Variants in MYH14 observed in about 807,000 individuals in gnomAD.
The protein encoded by MYH14 is myosin-14.
In MYH14, 123 loss-of-function variants were observed where a neutral mutation model predicts 255.5. That is an observed-to-expected ratio of 0.48 (90% CI 0.42 to 0.56). MYH14 has a LOEUF of 0.56. Ranked by LOEUF, MYH14 falls within the 20% of genes least tolerant of loss-of-function variation. MYH14 has a pLI of 0.00. For synonymous variants in MYH14, 1,095 were observed against 1,161.2 expected (o/e 0.94, Z 1.16); for missense variants, 2,423 against 2,802.3 (o/e 0.86, Z 3.06).
chr19:50,300,438 A>G (rs1435576445), intron 39 of MYH14, among the ~76,000 whole-genome samples: 1 of 152,172 alleles, frequency 6.6e-6, no homozygotes, highest in Non-Finnish European at 1.5e-5. Flanking sequence ...TCTCTGTATC[A>G]CCATTTTATT....
In MYH14 at chr19:50,276,689, A is replaced by G; in HGVS notation, c.3681-68A>G. Reference sequence around the variant, plus strand: ...GGAAACATGAAAAGGAGAAACAACCAGCTCCCCCAAAGCCCCTGCCTTCCT... The same window carrying G: ...GGAAACATGAAAAGGAGAAACAACCGGCTCCCCCAAAGCCCCTGCCTTCCT... On this transcript the variant is annotated intron_variant, in intron 28 of 42. Coordinates refer to ENST00000642316, the MANE Select transcript of MYH14 (RefSeq NM_001145809.2). The surrounding 1 kb of genome is among the most constrained non-coding windows in gnomAD (Gnocchi z 4.3). The G allele has an allele frequency of 6.2e-7, 1 of 1,601,510 alleles. No homozygotes were observed. Among genetic ancestry groups the G allele is most frequent in the African/African-American group, 1.3e-5 (1 of 74,570 alleles).
chr19:50,204,505 G>A (rs1175173332), intron 1 of MYH14, among the ~76,000 whole-genome samples: 1 of 152,226 alleles, frequency 6.6e-6, no homozygotes, highest in Non-Finnish European at 1.5e-5. Flanking sequence ...TCCCTCTTAC[G>A]CTGTGTGATC....
At position 50,225,579 on chromosome 19, in the gene MYH14, C is replaced by A; in HGVS notation, c.718-6C>A. 1.2e-6 allele frequency: 2 copies of A among 1,611,902 alleles called. No homozygotes were observed. Among genetic ancestry groups the A allele is most frequent in the Non-Finnish European group, 1.7e-6 (2 of 1,179,096 alleles). On this transcript the variant is annotated splice_polypyrimidine_tract_variant and splice_region_variant and intron_variant, in intron 6 of 42. Transcript: ENST00000642316. Reference sequence around the variant, plus strand: ...GACCTCATGCATCATCTCCTGTGCCCGGCAGGGTGAGCTGGAGCGGCAGCT... The same window carrying A: ...GACCTCATGCATCATCTCCTGTGCCAGGCAGGGTGAGCTGGAGCGGCAGCT...
chr19:50,237,825 A>T (rs951237392), intron 10 of MYH14, among the ~76,000 whole-genome samples: 8 of 152,314 alleles, frequency 5.3e-5, no homozygotes, highest in African/African-American at 1.9e-4. Flanking sequence ...TTTTGCTTAC[A>T]AGGAGTGGAG....
chr19:50,276,432 T>A lies in MYH14; in HGVS notation c.3680+229T>A, dbSNP rs150458045. ...GGGAGGCAGATTCAGGCAAAGACAA[T>A]CTCAACCCAGAACAAGGGGTGCTTT... is the stretch of plus-strand genomic sequence containing the variant. On this transcript the variant is annotated intron_variant, in intron 28 of 42. Transcript: ENST00000642316. The surrounding 1 kb of genome is among the most constrained non-coding windows in gnomAD (Gnocchi z 4.3). Among the ~76,000 whole-genome samples, 31 of 152,114 alleles carry A rather than the reference T, an allele frequency of 2.0e-4. No homozygotes were observed. The East Asian group carries it at 6.0e-3, about 29-fold the overall frequency.
intron 16 of MYH14, among the ~76,000 whole-genome samples, chr19:50,253,261 G>A (rs2034469133): frequency 6.6e-6 from 1 of 152,038 alleles, no homozygotes; most frequent in Non-Finnish European, 1.5e-5. Flanking sequence ...TGGCCAACAT[G>A]GTGAAACCCT....
intron 12 of MYH14, 132 bp from the exon 13 acceptor site, chr19:50,248,855 G>T: frequency 1.3e-6 from 1 of 788,670 alleles, no homozygotes; most frequent in South Asian, 1.7e-5. Flanking sequence ...TGTTCTTGAT[G>T]GTACTTACAC....
At position 50,309,832 on chromosome 19, in the gene MYH14, C is replaced by T; in HGVS notation, c.*42C>T. ...GATGCACTAACAGATGGGGCCCAGC[C>T]CCCTTCCTCCCTGGACCCCACGGGC... On this transcript the variant is annotated 3_prime_UTR_variant, in exon 43 of 43. Coordinates refer to ENST00000642316, the MANE Select transcript of MYH14 (RefSeq NM_001145809.2). The T allele has an allele frequency of 1.3e-6, 2 of 1,549,764 alleles. No individual in the cohort carries two copies. The highest frequency in any genetic ancestry group is 1.7e-6 in the Non-Finnish European group (2 of 1,144,218).
chr19:50,251,229 A>G (rs1400310662), intron 15 of MYH14, among the ~76,000 whole-genome samples: 1 of 152,116 alleles, frequency 6.6e-6, no homozygotes, highest in Admixed American at 6.5e-5. Context: ...TTTTCTGTAA[A>G]GGGTCCGATA....
intron 8 of MYH14, among the ~76,000 whole-genome samples, chr19:50,229,125 G>A (rs765387059): frequency 3.9e-5 from 6 of 152,134 alleles, no homozygotes; most frequent in Non-Finnish European, 8.8e-5. Flanking sequence ...CCCAGGGTTC[G>A]ACAGCCTGCG....
chr19:50,260,762 C>CGCGTGCATGAGTGTGT, intron 20 of MYH14, 47 bp downstream of exon 20: 2 of 1,316,088 alleles, frequency 1.5e-6, no homozygotes, highest in Non-Finnish European at 2.2e-6. Flanking sequence ...TGTGTGTGTG[C>CGCGTGCATGAGTGTGT]GTGCATGAGT....
intron 13 of MYH14, 177 bp from the exon 14 acceptor site, chr19:50,249,454 TCTCTGTCCCCTGTCTCTGG>T (rs2034271380): frequency 1.6e-6 from 1 of 642,188 alleles, no homozygotes; most frequent in Non-Finnish European, 2.6e-6. Flanking sequence ...TGTCTCTGGG[TCTCTGTCCCCTGTCTCTGG>T]CTCTGTCCCC....
intron 1 of MYH14, among the ~76,000 whole-genome samples, chr19:50,209,820 G>T (rs1337421263): frequency 6.8e-6 from 1 of 146,072 alleles, no homozygotes; most frequent in East Asian, 2.1e-4. Flanking sequence ...AGCCGGGGCC[G>T]GGTGTGGTAG....
At chr19:50,224,841 A>C in intron 6 of MYH14, 1 of 456,476 alleles carries the variant, frequency 2.2e-6, no homozygotes, top group Non-Finnish European at 4.4e-6. Context: ...TTGGTGGCTC[A>C]GGTCTATAAT....
chr19:50,267,719 G>T (rs34714925), intron 23 of MYH14, among the ~76,000 whole-genome samples: 1 of 152,058 alleles, frequency 6.6e-6, no homozygotes. Flanking sequence ...TTACATTTTA[G>T]GTATGAAATG....
chr19:50,291,003 C>T lies in MYH14; in HGVS notation c.5082C>T (p.Ala1694=), dbSNP rs146763233. The change falls in exon 36 of 43, where the codon GCC becomes GCT. Residue 1694 remains alanine, a synonymous_variant. Coordinates refer to ENST00000642316, the MANE Select transcript of MYH14 (RefSeq NM_001145809.2). ...LEELKAQMAS[A]GQGKEEAVKQ... is the part of the protein sequence containing the mutation. ...AGCTGAAGGCTCAGATGGCCTCTGCCGGCCAGGGCAAGGAGGAGGCGGTGA... is the reference window on the plus strand; with the variant it reads ...AGCTGAAGGCTCAGATGGCCTCTGCTGGCCAGGGCAAGGAGGAGGCGGTGA... 64 of 1,612,166 alleles carry T rather than the reference C, an allele frequency of 4.0e-5. No homozygotes were observed. The East Asian group carries it at 4.0e-4, about 10-fold the overall frequency.
intron 17 of MYH14, among the ~76,000 whole-genome samples, chr19:50,256,098 G>A (rs765306282): frequency 6.6e-6 from 1 of 151,800 alleles, no homozygotes; most frequent in Non-Finnish European, 1.5e-5. Flanking sequence ...AGCAACACAG[G>A]AAGACCCCGT....
At position 50,249,819 on chromosome 19, in the gene MYH14, G is replaced by A. The variant is rs1454443536; in HGVS notation, c.1652G>A (p.Arg551Gln). The A allele has an allele frequency of 3.7e-6, 6 of 1,614,130 alleles. No individual in the cohort carries two copies. Among genetic ancestry groups the A allele is most frequent in the South Asian group, 1.1e-5 (1 of 91,080 alleles). ...CAGCCCTGCATCGACCTCATCGAGC[G>A]GCCGGTGAGCCCCAGGCCCCTCCCA... ...DLQPCIDLIE[R>Q]PANPPGLLAL... Residue 551 changes from arginine (R) to glutamine (Q), a missense_variant, in exon 14 of 43, where the codon CGG becomes CAG. By Grantham distance (43) the Arg-to-Gln change is conservative (BLOSUM62 1). Coordinates refer to ENST00000642316, the MANE Select transcript of MYH14 (RefSeq NM_001145809.2).
chr19:50,280,465 A>AT lies in MYH14; in HGVS notation c.4290+83dup. On this transcript the variant is annotated intron_variant, in intron 32 of 42. Transcript: ENST00000642316. This position sits in a 1 kb window ranked among gnomAD's most constrained non-coding sequence, Gnocchi z 4.8. ...TGGGTTCCCCAGCTCAGGGATGGCC[A>AT]TGCTGCCCACCTTCTCATAGGCCAG... 7.2e-7 allele frequency: 1 copy of AT among 1,393,728 alleles called. No homozygotes were observed. The highest frequency in any genetic ancestry group is 9.5e-7 in the Non-Finnish European group (1 of 1,047,390). 86.3% of individuals were successfully genotyped at this position (1,393,728 alleles called of 1,614,324 possible).
Sources: gnomAD v4.1 joint callset for allele counts (sites outside exome capture counted in the v4.1 genomes callset) on GRCh38, gnomAD v4.1.1 for gene constraint, Gnocchi (gnomAD v3.1) non-coding constraint, MANE v1.5 for transcripts, NCBI Gene and HGNC (gene_info 2026-07-23, HGNC 2026-07-21) for gene names.